Variants in TDRD3 observed in about 807,000 individuals in gnomAD.
TDRD3 encodes tudor domain containing 3.
A neutral mutation model predicts 86.7 loss-of-function variants in TDRD3; 45 were observed. The ratio of observed to expected loss-of-function variants is 0.52; its 90% CI spans 0.41 to 0.67. The LOEUF is 0.67. TDRD3 is among the 30% of genes least tolerant of loss of function. The pLI, the probability that TDRD3 is intolerant of heterozygous loss-of-function variation, is 0.00. For synonymous variants in TDRD3, 298 were observed against 301.7 expected (o/e 0.99, Z 0.13); for missense variants, 814 against 889.0 (o/e 0.92, Z 1.07).
chr13:60,505,350 G>A (rs886930028), intron 8 of TDRD3, among the ~76,000 whole-genome samples: 10 of 152,148 alleles, frequency 6.6e-5, no homozygotes, highest in African/African-American at 2.2e-4. Context: ...AGAGTCCACC[G>A]CAGCTTGGCA....
At chr13:60,493,770 A>G (rs766598381) in intron 7 of TDRD3, among the ~76,000 whole-genome samples, 1 of 152,250 alleles carries the variant, frequency 6.6e-6, no homozygotes, top group African/African-American at 2.4e-5. Flanking sequence ...TTCAAAACCA[A>G]TATTATTTAT....
chr13:60,553,029 C>T (rs1432203125), intron 12 of TDRD3, among the ~76,000 whole-genome samples: 5 of 152,184 alleles, frequency 3.3e-5, no homozygotes, highest in Non-Finnish European at 7.3e-5. Flanking sequence ...GAGACATTTT[C>T]CCCATTGTCT....
intron 7 of TDRD3, among the ~76,000 whole-genome samples, chr13:60,486,231 T>G (rs1956432527): frequency 6.6e-6 from 1 of 152,134 alleles, no homozygotes; most frequent in Non-Finnish European, 1.5e-5. Context: ...ATGTAGTAAC[T>G]GAACACACTT....
At chr13:60,437,779 A>C (rs1037936218) in intron 1 of TDRD3, among the ~76,000 whole-genome samples, 1 of 151,928 alleles carries the variant, frequency 6.6e-6, no homozygotes, top group African/African-American at 2.4e-5. Context: ...TTTTGTAATC[A>C]CTCAATCAGA....
intron 4 of TDRD3, among the ~76,000 whole-genome samples, chr13:60,462,897 A>T (rs1256174938): frequency 6.6e-6 from 1 of 152,304 alleles, no homozygotes; most frequent in East Asian, 1.9e-4. Flanking sequence ...CCAAAACAGC[A>T]TGGTACTGGC....
chr13:60,475,935 A>G (rs1423558495), intron 5 of TDRD3, among the ~76,000 whole-genome samples: 1 of 152,192 alleles, frequency 6.6e-6, no homozygotes, highest in Non-Finnish European at 1.5e-5. Flanking sequence ...GATTCGGGAT[A>G]GTAGACCTTT....
chr13:60,485,141 TTTC>T (rs1464958320), intron 6 of TDRD3, among the ~76,000 whole-genome samples: 1 of 152,106 alleles, frequency 6.6e-6, no homozygotes, highest in African/African-American at 2.4e-5. Context: ...GTGGAACACA[TTTC>T]TTTGAGATCT....
chr13:60,410,792 G>A (rs951713094), intron 1 of TDRD3, among the ~76,000 whole-genome samples: 8 of 152,072 alleles, frequency 5.3e-5, no homozygotes, highest in African/African-American at 1.2e-4. Context: ...CTGGATGTAC[G>A]TTTTCCCTTA....
Position 60,509,891 on chromosome 13 carries a change from G to T in TDRD3, c.987G>T (p.Gln329His), listed in dbSNP as rs758403754. 4 of 1,613,656 alleles carry T rather than the reference G, an allele frequency of 2.5e-6. No individual in the cohort carries two copies. The highest frequency in any genetic ancestry group is 3.4e-6 in the Non-Finnish European group (4 of 1,179,626). ...ALNVLLTSNK[Q>H]KPVMGPPLRG... is the part of the protein sequence containing the mutation. ...ACGTACTTCTTACAAGCAATAAACA[G>T]AAACCTGTTATGGGTCCTCCTCTGA... The change falls in exon 9 of 14, where the codon CAG becomes CAT. Residue 329 changes from glutamine to histidine, a missense_variant. Coordinates refer to ENST00000377881, the MANE Select transcript of TDRD3 (RefSeq NM_001146070.2).
intron 1 of TDRD3, among the ~76,000 whole-genome samples, chr13:60,423,126 G>A (rs997997756): frequency 6.6e-6 from 1 of 152,172 alleles, no homozygotes; most frequent in African/African-American, 2.4e-5. Flanking sequence ...AAGCAAGGCA[G>A]AAATAGAGCA....
chr13:60,528,422 T>A lies in TDRD3; in HGVS notation c.1197T>A (p.Thr399=), dbSNP rs1957497066. Residue 399 remains threonine (T), a synonymous_variant, in exon 11 of 14, where the codon ACT becomes ACA. Coordinates refer to ENST00000377881, the MANE Select transcript of TDRD3 (RefSeq NM_001146070.2). ...AGGGACAATACAGATCATCAAATAC[T>A]GAGCAAAATGGAGTAAAAGATAATA... The part of the protein sequence containing the change: ...LHQGQYRSSN[T]EQNGVKDNNH... 1 of 1,612,944 alleles carries A rather than the reference T, an allele frequency of 6.2e-7. No individual in the cohort carries two copies. Among genetic ancestry groups the A allele is most frequent in the East Asian group, 2.2e-5 (1 of 44,864 alleles).
intron 12 of TDRD3, among the ~76,000 whole-genome samples, chr13:60,553,557 A>T (rs1007257947): frequency 1.8e-4 from 27 of 151,692 alleles, no homozygotes; most frequent in African/African-American, 6.1e-4. Context: ...TTTAAATAAA[A>T]AAAAAAAAAA....
In TDRD3 at chr13:60,570,573, A is replaced by G. The variant is rs1269897866; in HGVS notation, c.*9+2923A>G. On this transcript the variant is annotated intron_variant, in intron 13 of 13. Coordinates refer to ENST00000377881, the MANE Select transcript of TDRD3 (RefSeq NM_001146070.2). ...CCACTACTGTGTATTTATCCAAAGG[A>G]AAGGAAATCAGGGTATTTTATTTCT... Among the ~76,000 whole-genome samples, 4 of 152,364 alleles carry G rather than the reference A, an allele frequency of 2.6e-5. No individual in the cohort carries two copies. The East Asian group carries it at 7.7e-4, about 29-fold the overall frequency.
intron 8 of TDRD3, among the ~76,000 whole-genome samples, chr13:60,500,463 T>C (rs534497953): frequency 1.8e-4 from 27 of 152,114 alleles, no homozygotes; most frequent in Non-Finnish European, 3.8e-4. Context: ...AAGAGAAGAC[T>C]GGGGCCTGGT....
At chr13:60,422,073 A>T (rs1445811392) in intron 1 of TDRD3, among the ~76,000 whole-genome samples, 1 of 152,242 alleles carries the variant, frequency 6.6e-6, no homozygotes, top group Non-Finnish European at 1.5e-5. Flanking sequence ...GATAGATTCT[A>T]TTTAAATGGG....
At chr13:60,399,957 G>C (rs1954048254) in intron 1 of TDRD3, among the ~76,000 whole-genome samples, 1 of 152,088 alleles carries the variant, frequency 6.6e-6, no homozygotes, top group African/African-American at 2.4e-5. Flanking sequence ...ATCTTCATTA[G>C]AACCCCTATA....
chr13:60,399,808 G>A (rs1954043015), intron 1 of TDRD3, among the ~76,000 whole-genome samples: 1 of 152,198 alleles, frequency 6.6e-6, no homozygotes, highest in South Asian at 2.1e-4. Context: ...TAAAATAGCA[G>A]ATTAGGGAAA....
At chr13:60,423,292 C>T (rs1954710440) in intron 1 of TDRD3, among the ~76,000 whole-genome samples, 1 of 152,114 alleles carries the variant, frequency 6.6e-6, no homozygotes, top group Non-Finnish European at 1.5e-5. Flanking sequence ...ACAGAAACTT[C>T]AGGAGTTTGC....
intron 3 of TDRD3, among the ~76,000 whole-genome samples, chr13:60,459,459 G>C (rs1013741963): frequency 9.2e-5 from 14 of 152,100 alleles, no homozygotes; most frequent in Admixed American, 6.5e-4. Flanking sequence ...TACAGCATTA[G>C]ATTTAATATC....
Sources: gnomAD v4.1 joint callset for allele counts (sites outside exome capture counted in the v4.1 genomes callset) on GRCh38, gnomAD v4.1.1 for gene constraint, MANE v1.5 for transcripts, NCBI Gene and HGNC (gene_info 2026-07-23, HGNC 2026-07-21) for gene names.